Variants in COG5 observed in about 807,000 individuals in gnomAD.
COG5 encodes conserved oligomeric Golgi complex subunit 5.
A neutral mutation model predicts 110.4 loss-of-function variants in COG5; 86 were observed. The observed-to-expected ratio is 0.78, with a 90% CI of 0.65 to 0.93. The LOEUF (loss-of-function observed/expected upper bound fraction) is 0.93. COG5 is among the 40% of genes least tolerant of loss of function. COG5 has a pLI of 0.00. For missense variants in COG5, 1,077 were observed against 987.0 expected (o/e 1.09, Z -1.22); for synonymous variants, 360 against 334.6 (o/e 1.08, Z -0.83).
intron 7 of COG5, among the ~76,000 whole-genome samples, chr7:107,376,690 C>T (rs75999022): frequency 0.15 from 22,889 of 151,936 alleles, 2,229 homozygotes; most frequent in Non-Finnish European, 0.22. Flanking sequence ...TTCAGTACTG[C>T]ACTGAGTAGA....
At chr7:107,492,168 A>AGTGTGTGTGTGT (rs61526384) in intron 6 of COG5, among the ~76,000 whole-genome samples, 4,861 of 141,636 alleles carry the variant, frequency 0.034, 114 homozygotes, top group Middle Eastern at 0.042. Flanking sequence ...AACAATGGGT[A>AGTGTGTGTGTGT]GTGTGTGTGT....
intron 18 of COG5, among the ~76,000 whole-genome samples, chr7:107,232,407 C>A (rs959863850): frequency 3.9e-5 from 6 of 152,304 alleles, no homozygotes; most frequent in South Asian, 2.1e-4. Context: ...ATACCTCTCT[C>A]TATATAATGG....
chr7:107,346,105 G>C (rs992748780), intron 10 of COG5, among the ~76,000 whole-genome samples: 7 of 152,160 alleles, frequency 4.6e-5, no homozygotes, highest in African/African-American at 1.4e-4. Context: ...TTTTGAGGAA[G>C]TGAAAAATTC....
chr7:107,360,143 C>T (rs537209684), intron 10 of COG5, among the ~76,000 whole-genome samples: 3 of 152,054 alleles, frequency 2.0e-5, no homozygotes, highest in Non-Finnish European at 4.4e-5. Context: ...ATGGGACCTA[C>T]CCACTTCAGA....
chr7:107,522,686 T>C (rs1242602488), intron 6 of COG5, among the ~76,000 whole-genome samples: 1 of 152,186 alleles, frequency 6.6e-6, no homozygotes, highest in African/African-American at 2.4e-5. Flanking sequence ...TAGTTTTAGA[T>C]TTTACATTTA....
chr7:107,546,061 A>AT (rs1802417713), intron 5 of COG5, among the ~76,000 whole-genome samples: 2 of 152,138 alleles, frequency 1.3e-5, no homozygotes, highest in Non-Finnish European at 2.9e-5. Context: ...AAATCAATAA[A>AT]GGATGGATTT....
intron 11 of COG5, among the ~76,000 whole-genome samples, chr7:107,303,218 T>A (rs2116945682): frequency 6.6e-6 from 1 of 151,970 alleles, no homozygotes; most frequent in South Asian, 2.1e-4. Flanking sequence ...CCCAGTTGAA[T>A]ATGTTTTTTC....
At chr7:107,557,925 A>G in intron 2 of COG5, 51 bp downstream of exon 2, 1 of 1,600,730 alleles carries the variant, frequency 6.2e-7, no homozygotes. Context: ...AAAATGCTAA[A>G]TTATCACTTT....
chr7:107,228,967 G>A (rs963994475), intron 19 of COG5, among the ~76,000 whole-genome samples: 3 of 152,100 alleles, frequency 2.0e-5, no homozygotes, highest in Non-Finnish European at 4.4e-5. Flanking sequence ...CTAGTTTCCA[G>A]TACTGAGTTG....
intron 14 of COG5, among the ~76,000 whole-genome samples, chr7:107,259,190 A>G (rs1272126791): frequency 6.6e-6 from 1 of 152,146 alleles, no homozygotes; most frequent in African/African-American, 2.4e-5. Context: ...TTTTAATCCA[A>G]TCCTTTATAA....
rs1554402259 is a variant in COG5 at position 107,258,450 on chromosome 7, T to TCA, written c.1576-69_1576-68dup. 5.5e-3 allele frequency: 3,861 copies of TCA among 697,398 alleles called. 3 individuals are homozygous for TCA. The highest frequency in any genetic ancestry group is 7.8e-3 in the African/African-American group (436 of 56,216). The allele number at this position is 697,398 out of a possible 1,614,324, so 43.2% of individuals were successfully genotyped here. ...TTCTCTCTCTCTCTCTCTCTCTCTC[T>TCA]CACACACACACATACACACACACAC... On this transcript the variant is annotated intron_variant, in intron 14 of 21. Coordinates refer to ENST00000297135, the MANE Select transcript of COG5 (RefSeq NM_006348.5).
intron 19 of COG5, among the ~76,000 whole-genome samples, chr7:107,223,411 G>C (rs1018582449): frequency 6.6e-6 from 1 of 152,204 alleles, no homozygotes; most frequent in Non-Finnish European, 1.5e-5. Context: ...GTTCAAAGTA[G>C]AGAGGTTAAA....
At chr7:107,264,665 C>T (rs1179753200) in intron 14 of COG5, among the ~76,000 whole-genome samples, 2 of 152,040 alleles carry the variant, frequency 1.3e-5, no homozygotes, top group African/African-American at 4.8e-5. Context: ...TGTACTCCAG[C>T]CCGAGCGACA....
chr7:107,429,459 G>GTTT (rs879327523), intron 6 of COG5, among the ~76,000 whole-genome samples: 1 of 142,614 alleles, frequency 7.0e-6, no homozygotes, highest in Non-Finnish European at 1.5e-5. Flanking sequence ...TCTTTGCCCA[G>GTTT]TTTTTTTTTT....
intron 21 of COG5, 143 bp from the exon 22 acceptor site, chr7:107,203,773 C>T (rs757235456): frequency 1.8e-5 from 12 of 661,480 alleles, no homozygotes; most frequent in African/African-American, 3.6e-5. Context: ...GACCAACAGC[C>T]TTCACTCAGT....
At chr7:107,542,655 TC>T (rs1341499303) in intron 5 of COG5, among the ~76,000 whole-genome samples, 1 of 152,094 alleles carries the variant, frequency 6.6e-6, no homozygotes, top group Non-Finnish European at 1.5e-5. Flanking sequence ...AATGACATAT[TC>T]TACAGCAATA....
intron 6 of COG5, among the ~76,000 whole-genome samples, chr7:107,520,707 T>C (rs1800261758): frequency 6.6e-6 from 1 of 152,178 alleles, no homozygotes; most frequent in Non-Finnish European, 1.5e-5. Context: ...ACTGTGAAAA[T>C]GGCCATACTA....
chr7:107,554,787 G>C (rs1443569656), intron 2 of COG5, among the ~76,000 whole-genome samples: 4 of 152,052 alleles, frequency 2.6e-5, no homozygotes, highest in African/African-American at 9.7e-5. Flanking sequence ...TCTCCAATAT[G>C]ATATGATAGT....
chr7:107,220,036 G>A (rs149067989), intron 19 of COG5, among the ~76,000 whole-genome samples: 12 of 152,308 alleles, frequency 7.9e-5, no homozygotes, highest in Admixed American at 2.0e-4. Flanking sequence ...CAGAGGCATA[G>A]AGAAATCCAG....
Sources: gnomAD v4.1 joint callset for allele counts (sites outside exome capture counted in the v4.1 genomes callset) on GRCh38, gnomAD v4.1.1 for gene constraint, MANE v1.5 for transcripts, NCBI Gene and HGNC (gene_info 2026-07-23, HGNC 2026-07-21) for gene names.